Variants in CP observed in about 807,000 individuals in gnomAD.
The protein encoded by CP is caeruloplasmin.
Under a neutral mutation model 122.4 loss-of-function variants are expected in CP, and 64 were observed. The observed-to-expected ratio is 0.52, with a 90% confidence interval of 0.43 to 0.64. The LOEUF is 0.64. Among genes scored for constraint, CP ranks in the 30% least tolerant of loss-of-function variants. The pLI is 0.00. For synonymous variants in CP, 440 were observed against 436.4 expected (o/e 1.01, Z -0.10); for missense variants, 1,167 against 1,284.4 (o/e 0.91, Z 1.40).
chr3:149,186,228 C>A (rs181267889), intron 11 of CP: 9 of 438,146 alleles, frequency 2.1e-5, no homozygotes, highest in African/African-American at 1.6e-4. Flanking sequence ...GATTTTCCAG[C>A]TATCTTTAAA....
At chr3:149,192,981 TACAC>T (rs3070607) in intron 9 of CP, among the ~76,000 whole-genome samples, 6 of 148,792 alleles carry the variant, frequency 4.0e-5, no homozygotes, top group African/African-American at 7.4e-5. Flanking sequence ...TGATCCTGTA[TACAC>T]ACACACACAC....
chr3:149,204,183 C>G (rs1378994355), intron 6 of CP, among the ~76,000 whole-genome samples: 2 of 152,120 alleles, frequency 1.3e-5, no homozygotes, highest in African/African-American at 4.8e-5. Context: ...AAGGTTTCAG[C>G]CTTCCATCCC....
At chr3:149,220,197 GA>G (rs1728714540) in intron 1 of CP, among the ~76,000 whole-genome samples, 1 of 152,088 alleles carries the variant, frequency 6.6e-6, no homozygotes, top group Admixed American at 6.5e-5. Context: ...TAGAATTAAA[GA>G]TTTTTTTTTG....
At chr3:149,174,168 A>G (rs954334581) in intron 18 of CP, among the ~76,000 whole-genome samples, 1 of 152,206 alleles carries the variant, frequency 6.6e-6, no homozygotes, top group South Asian at 2.1e-4. Flanking sequence ...AGGACATTCT[A>G]CAAAGTGCCC....
chr3:149,221,411 G>C (rs1728799434), intron 1 of CP, among the ~76,000 whole-genome samples: 1 of 152,086 alleles, frequency 6.6e-6, no homozygotes. Flanking sequence ...TACGACCATG[G>C]GAGGTAGTAA....
chr3:149,211,766 C>T (rs754731940), intron 2 of CP, among the ~76,000 whole-genome samples: 7 of 152,204 alleles, frequency 4.6e-5, no homozygotes, highest in Non-Finnish European at 1.0e-4. Flanking sequence ...AGGCAATCCA[C>T]ATCTTGAGTC....
At chr3:149,182,888 C>T (rs895131208) in intron 13 of CP, among the ~76,000 whole-genome samples, 2 of 152,088 alleles carry the variant, frequency 1.3e-5, no homozygotes, top group African/African-American at 2.4e-5. Context: ...TAGTGCCTCA[C>T]GCCTGTAATC....
chr3:149,202,305 A>G (rs1727386763), intron 6 of CP, 64 bp from the exon 7 acceptor site: 1 of 1,608,710 alleles, frequency 6.2e-7, no homozygotes, highest in Non-Finnish European at 8.5e-7. Context: ...GTATTCACTT[A>G]AGGTGCTAAT....
downstream of CP, chr3:149,172,183 A>AT: frequency 6.2e-7 from 1 of 1,613,716 alleles, no homozygotes; most frequent in Non-Finnish European, 8.5e-7. Context: ...TTTTCTTGCC[A>AT]TATCTTCTCT....
At position 149,208,483 on chromosome 3, in the gene CP, T is replaced by C. The variant is rs34516709; in HGVS notation, c.781+728A>G. 4.3e-3 allele frequency among the ~76,000 whole-genome samples: 656 copies of C among 152,334 alleles called. 5 individuals are homozygous for C. The highest frequency in any genetic ancestry group is 0.015 in the African/African-American group (613 of 41,588). On this transcript the variant is annotated intron_variant, in intron 4 of 18. Coordinates refer to ENST00000264613, the MANE Select transcript of CP (RefSeq NM_000096.4). The stretch of plus-strand genomic sequence containing the variant: ...GAAACAAAATCTGTACTTTGTTAAC[T>C]AGTTTATTTTTCTACTTTGGTAGTA...
chr3:149,172,318 T>TCTCACACACACACA (rs72453449), downstream of CP: 170 of 571,918 alleles, frequency 3.0e-4, 2 homozygotes, highest in South Asian at 9.1e-4. Flanking sequence ...ATTTTATATA[T>TCTCACACACACACA]CACACACACA....
intron 12 of CP, among the ~76,000 whole-genome samples, chr3:149,184,025 C>CTTTTTTTTTTTTT (rs1559939313): frequency 1.5e-5 from 1 of 66,306 alleles, no homozygotes; most frequent in Non-Finnish European, 3.4e-5. Context: ...TTTTCACTTA[C>CTTTTTTTTTTTTT]TTCTTTTTTT....
At chr3:149,176,613 T>C (rs901796846) in intron 17 of CP, 5 of 548,316 alleles carry the variant, frequency 9.1e-6, no homozygotes, top group Non-Finnish European at 9.8e-6. Flanking sequence ...ATCAAGTGGG[T>C]GTGAAAGAAA....
In CP at chr3:149,184,105, C is replaced by T. The variant is rs1289041876; in HGVS notation, c.2286-500G>A. Among the ~76,000 whole-genome samples, 3 of 129,456 alleles carry T rather than the reference C, an allele frequency of 2.3e-5. No individual in the cohort carries two copies. In the East Asian group the frequency reaches 7.4e-4, roughly 32 times the overall value. The allele number at this position is 129,456 out of a possible 152,430, so 84.9% of individuals were successfully genotyped here. On this transcript the variant is annotated intron_variant, in intron 12 of 18. Transcript: ENST00000264613. ...GGCTGGAGTGCAGTGGCGTGATCTC[C>T]GCTCACTGCAAGCTCTGCCTCCCGG...
At chr3:149,185,217 G>A in intron 12 of CP, 22 bp downstream of exon 12, 1 of 1,609,700 alleles carries the variant, frequency 6.2e-7, no homozygotes, top group Non-Finnish European at 8.5e-7. Flanking sequence ...CTGAAATTGG[G>A]AATCAGAGTC....
chr3:149,212,703 AAAGAAAAAC>A lies in CP; in HGVS notation c.147-14_147-6del. On this transcript the variant is annotated splice_polypyrimidine_tract_variant and splice_region_variant and intron_variant, in intron 1 of 18. Transcript: ENST00000264613. ...AGATAGATATTGGAATGTTCCCTGC[AAAGAAAAAC>A]AAGACAACTCTATCAGAAGCCATCA... 6.2e-7 allele frequency: 1 copy of A among 1,613,192 alleles called. No homozygotes were observed. The highest frequency in any genetic ancestry group is 8.5e-7 in the Non-Finnish European group (1 of 1,179,836).
chr3:149,207,968 GA>G (rs1727858176), intron 4 of CP, among the ~76,000 whole-genome samples: 1 of 152,138 alleles, frequency 6.6e-6, no homozygotes, highest in Admixed American at 6.5e-5. Flanking sequence ...AGAATTAATA[GA>G]AAAAAGATTG....
rs372233613 is a variant in CP at position 149,202,098 on chromosome 3, T to C, written c.1348+4A>G. The C allele has an allele frequency of 1.9e-5, 30 of 1,614,030 alleles. No homozygotes were observed. In the African/African-American group the frequency reaches 3.6e-4, roughly 19 times the overall value. On this transcript the variant is annotated splice_donor_region_variant and intron_variant, in intron 7 of 18. Coordinates refer to ENST00000264613, the MANE Select transcript of CP (RefSeq NM_000096.4). The stretch of plus-strand genomic sequence containing the variant: ...CCAGCCATATATATTCTGCAAGAAC[T>C]CACCCAGGATGCCAAGATGCTCTTC...
At chr3:149,178,682 C>T in intron 15 of CP, 51 bp from the exon 16 acceptor site, 1 of 1,343,990 alleles carries the variant, frequency 7.4e-7, no homozygotes, top group Non-Finnish European at 1.0e-6. Flanking sequence ...GTCAGGATTT[C>T]AGAGAACTGA....
Sources: gnomAD v4.1 joint callset for allele counts (sites outside exome capture counted in the v4.1 genomes callset) on GRCh38, gnomAD v4.1.1 for gene constraint, MANE v1.5 for transcripts, NCBI Gene and HGNC (gene_info 2026-07-23, HGNC 2026-07-21) for gene names.